NCKAP5: variants seen among roughly 807,000 people sequenced by gnomAD.
The protein encoded by NCKAP5 is nck-associated protein 5.
A neutral mutation model predicts 167.0 loss-of-function variants in NCKAP5; 92 were observed. The observed-to-expected ratio is 0.55, with a 90% CI of 0.47 to 0.66. The LOEUF (loss-of-function observed/expected upper bound fraction) is 0.66, where lower values mean the gene tolerates loss of function less well. Ranked by LOEUF, NCKAP5 falls within the 30% of genes least tolerant of loss-of-function variation. NCKAP5 has a pLI of 0.00. For missense variants in NCKAP5, 2,378 were observed against 2,315.0 expected (o/e 1.03, Z -0.56); for synonymous variants, 891 against 877.4 (o/e 1.02, Z -0.27).
intron 3 of NCKAP5, among the ~76,000 whole-genome samples, chr2:133,303,336 G>A (rs1680537322): frequency 6.6e-6 from 1 of 152,130 alleles, no homozygotes; most frequent in African/African-American, 2.4e-5. Flanking sequence ...TCATTACACT[G>A]AGTCAGCATT....
intron 4 of NCKAP5, among the ~76,000 whole-genome samples, chr2:133,270,798 G>C (rs1237833878): frequency 6.6e-6 from 1 of 152,038 alleles, no homozygotes; most frequent in Non-Finnish European, 1.5e-5. Flanking sequence ...ATTTACATAG[G>C]GTGTACACCA....
the NCKAP5 span, among the ~76,000 whole-genome samples, chr2:133,641,226 AT>A: frequency 2.0e-5 from 3 of 152,212 alleles, no homozygotes; most frequent in African/African-American, 7.2e-5. Flanking sequence ...TCATAGTAAA[AT>A]GGTTCAGTTG....
intron 5 of NCKAP5, among the ~76,000 whole-genome samples, chr2:133,159,000 T>C (rs891474913): frequency 4.0e-5 from 6 of 149,908 alleles, no homozygotes; most frequent in South Asian, 4.2e-4. Flanking sequence ...TTGGCAAGAG[T>C]GGTTTTGCAG....
intron 3 of NCKAP5, among the ~76,000 whole-genome samples, chr2:133,398,981 G>T: frequency 6.6e-6 from 1 of 152,168 alleles, no homozygotes; most frequent in East Asian, 1.9e-4. Context: ...GATAATGGTG[G>T]AAAGCAATGG....
intron 3 of NCKAP5, among the ~76,000 whole-genome samples, chr2:133,358,499 G>C (rs562420793): frequency 1.3e-5 from 2 of 152,288 alleles, no homozygotes; most frequent in Admixed American, 6.5e-5. Context: ...GATCACTTGA[G>C]CTCAGGACTT....
intron 8 of NCKAP5, among the ~76,000 whole-genome samples, chr2:132,949,880 G>C (rs1269381274): frequency 6.6e-6 from 1 of 152,146 alleles, no homozygotes; most frequent in Non-Finnish European, 1.5e-5. Context: ...GATCACTTGA[G>C]GTCAGGAGTT....
At chr2:133,529,095 C>T (rs1413252572) in intron 2 of NCKAP5, among the ~76,000 whole-genome samples, 1 of 152,052 alleles carries the variant, frequency 6.6e-6, no homozygotes, top group Admixed American at 6.6e-5. Flanking sequence ...CTAGTTACAG[C>T]CTTTGAAATG....
chr2:132,991,248 C>T (rs927139043), intron 7 of NCKAP5, among the ~76,000 whole-genome samples: 5 of 152,142 alleles, frequency 3.3e-5, no homozygotes, highest in African/African-American at 1.2e-4. Context: ...ACTGAATGAG[C>T]TACAGTCTAG....
chr2:133,590,719 CT>C, the NCKAP5 span, among the ~76,000 whole-genome samples: 1 of 152,078 alleles, frequency 6.6e-6, no homozygotes, highest in African/African-American at 2.4e-5. Flanking sequence ...TCGCCTAGGA[CT>C]TTATTATTGT....
intron 6 of NCKAP5, among the ~76,000 whole-genome samples, chr2:133,025,159 T>C (rs2078654040): frequency 6.6e-6 from 1 of 152,228 alleles, no homozygotes; most frequent in Non-Finnish European, 1.5e-5. Flanking sequence ...TTATTCCTCC[T>C]ACTATCTTTT....
chr2:132,783,835 C>G lies in NCKAP5; in HGVS notation c.2976G>C (p.Gln992His), dbSNP rs779685541. Residue 992 changes from glutamine to histidine, a missense_variant, in exon 14 of 20, where the codon CAG becomes CAC. By Grantham distance (24) the Gln-to-His change is conservative. This residue lies in a region of NCKAP5 where 1,325 missense variants were observed against 1,274.5 expected (regional missense o/e 1.04). Transcript: ENST00000409261. ...TGAAGGCCACAGAAGGTTTCTTCCT[C>G]TGCACTTCTGTCGTGGCCGGATTAG... ...ISSNPATTEV[Q>H]RKKPSVAFKK... 2.0e-6 allele frequency: 3 copies of G among 1,532,484 alleles called. No homozygotes were observed. The East Asian group carries it at 6.8e-5, about 35-fold the overall frequency. 94.9% of individuals were successfully genotyped at this position (1,532,484 alleles called of 1,614,324 possible).
At chr2:133,250,388 C>A (rs969473250) in intron 4 of NCKAP5, among the ~76,000 whole-genome samples, 2 of 152,122 alleles carry the variant, frequency 1.3e-5, no homozygotes, top group African/African-American at 4.8e-5. Context: ...TGGACACCCA[C>A]CACCAGCTTA....
At chr2:133,138,464 A>G (rs1291167933) in intron 5 of NCKAP5, among the ~76,000 whole-genome samples, 1 of 152,204 alleles carries the variant, frequency 6.6e-6, no homozygotes, top group African/African-American at 2.4e-5. Flanking sequence ...ATCCTACAGC[A>G]GAAAAAAAAT....
chr2:133,455,595 G>T (rs1437716342), intron 3 of NCKAP5, among the ~76,000 whole-genome samples: 1 of 151,804 alleles, frequency 6.6e-6, no homozygotes, highest in Non-Finnish European at 1.5e-5. Flanking sequence ...ATGTTTTTCT[G>T]CTCATTCAAA....
chr2:133,105,419 C>G (rs1321440932), intron 6 of NCKAP5, among the ~76,000 whole-genome samples: 2 of 152,200 alleles, frequency 1.3e-5, no homozygotes, highest in African/African-American at 4.8e-5. Flanking sequence ...TTGTTCTCAT[C>G]TATAAGAGAA....
the NCKAP5 span, among the ~76,000 whole-genome samples, chr2:133,647,426 A>G: frequency 0.02 from 2,366 of 118,548 alleles, 142 homozygotes; most frequent in African/African-American, 0.027. Context: ...GAAGAGAAAG[A>G]AAGGAAGAAA....
the NCKAP5 span, among the ~76,000 whole-genome samples, chr2:133,618,319 T>C: frequency 1.3e-5 from 2 of 149,446 alleles, no homozygotes; most frequent in African/African-American, 4.9e-5. Flanking sequence ...CTAATTAAAC[T>C]AAAGAGCTTC....
At chr2:133,365,757 T>C (rs1685418731) in intron 3 of NCKAP5, among the ~76,000 whole-genome samples, 1 of 152,210 alleles carries the variant, frequency 6.6e-6, no homozygotes, top group South Asian at 2.1e-4. Context: ...GGAGACTCCC[T>C]TTTATTTATT....
chr2:132,986,659 A>G (rs1211940865), intron 7 of NCKAP5, among the ~76,000 whole-genome samples: 1 of 152,230 alleles, frequency 6.6e-6, no homozygotes, highest in Non-Finnish European at 1.5e-5. Flanking sequence ...TGCTATTTAA[A>G]GGAGATTTCT....
Sources: gnomAD v4.1 joint callset for allele counts (sites outside exome capture counted in the v4.1 genomes callset) on GRCh38, gnomAD v4.1.1 for gene constraint, gnomAD v4.1.1 regional missense constraint, MANE v1.5 for transcripts, NCBI Gene and HGNC (gene_info 2026-07-23, HGNC 2026-07-21) for gene names.